SLC26A7: variants seen among roughly 807,000 people sequenced by gnomAD.
The protein encoded by SLC26A7 is anion exchange transporter.
SLC26A7 carries 59 observed loss-of-function variants against 82.5 expected under a neutral mutation model. The ratio of observed to expected loss-of-function variants is 0.72; its 90% CI spans 0.58 to 0.89. The LOEUF (loss-of-function observed/expected upper bound fraction) is 0.89. Among genes scored for constraint, SLC26A7 ranks in the 40% least tolerant of loss-of-function variants. The pLI, the probability that SLC26A7 is intolerant of heterozygous loss-of-function variation, is 0.00. For synonymous variants in SLC26A7, 271 were observed against 274.3 expected, an observed-to-expected ratio of 0.99 and a Z score of 0.12; for missense variants, 820 against 793.0, an observed-to-expected ratio of 1.03 and a Z score of -0.41.
chr8:91,318,297 G>A lies in SLC26A7; in HGVS notation c.559G>A (p.Ala187Thr). ...PVISAMTTGAATHVVTSQVKY... is the reference protein window; with the variant it reads ...PVISAMTTGATTHVVTSQVKY... ...GATCAGCGCAATGACAACTGGGGCT[G>A]CCACCCATGTGGTGACTTCACAAGT... The change falls in exon 5 of 19, where the codon GCC becomes ACC. Residue 187 changes from alanine to threonine, a missense_variant. Transcript: ENST00000276609. 6.2e-7 allele frequency: 1 copy of A among 1,612,056 alleles called. No individual in the cohort carries two copies. Among genetic ancestry groups the A allele is most frequent in the Non-Finnish European group, 8.5e-7 (1 of 1,178,974 alleles).
In SLC26A7 at chr8:91,268,258, G is replaced by T. The variant is rs369227820; in HGVS notation, c.193+18414G>T. 7.9e-5 allele frequency among the ~76,000 whole-genome samples: 12 copies of T among 151,808 alleles called. No individual in the cohort carries two copies. In the East Asian group the frequency reaches 2.3e-3, roughly 29 times the overall value. On this transcript the variant is annotated intron_variant, in intron 2 of 18. Transcript: ENST00000276609. ...TAAAGTCCCCTACTATTACTGTATT[G>T]CAACTGATCTCTCCCTTTAGATTTA...
chr8:91,220,223 A>G (rs965709987), intron 2 of SLC26A7, among the ~76,000 whole-genome samples: 4 of 152,196 alleles, frequency 2.6e-5, no homozygotes, highest in African/African-American at 9.7e-5. Context: ...AAACAAAAAT[A>G]AAAAACCAAG....
At chr8:91,324,357 G>T (rs1812878208) in intron 5 of SLC26A7, among the ~76,000 whole-genome samples, 1 of 152,198 alleles carries the variant, frequency 6.6e-6, no homozygotes, top group Non-Finnish European at 1.5e-5. Flanking sequence ...AGATCTGCTT[G>T]GAGGTAGGAT....
At chr8:91,337,250 A>G (rs917858689) in intron 6 of SLC26A7, among the ~76,000 whole-genome samples, 3 of 152,158 alleles carry the variant, frequency 2.0e-5, no homozygotes, top group African/African-American at 7.2e-5. Context: ...ATTATTGGCC[A>G]TTGATTATTA....
At chr8:91,368,627 G>A (rs1300301638) in intron 14 of SLC26A7, among the ~76,000 whole-genome samples, 2 of 151,892 alleles carry the variant, frequency 1.3e-5, no homozygotes, top group African/African-American at 4.8e-5. Flanking sequence ...GTTTCACCGT[G>A]TTAGCCAGGA....
Position 91,318,226 on chromosome 8 carries a change from T to C in SLC26A7, c.488T>C (p.Phe163Ser), listed in dbSNP as rs1812695256. 2 of 1,597,258 alleles carry C rather than the reference T, an allele frequency of 1.3e-6. No homozygotes were observed. The highest frequency in any genetic ancestry group is 2.7e-5 in the African/African-American group (2 of 74,224). ...CCCTTCTCCTCTTAGGTGGCCATGT[T>C]TGTGCTGCAACTGGGCAGTGCCACA... ...FLGGVIQVAM[F>S]VLQLGSATFV... Residue 163 changes from phenylalanine (F) to serine (S), a missense_variant, in exon 5 of 19, where the codon TTT becomes TCT. By Grantham distance (155) the Phe-to-Ser change is radical. Transcript: ENST00000276609.
In SLC26A7 at chr8:91,249,763, G is replaced by T. The variant is rs1247624094; in HGVS notation, c.112G>T (p.Ala38Ser). 1.9e-6 allele frequency: 3 copies of T among 1,612,198 alleles called. No homozygotes were observed. Among genetic ancestry groups the T allele is most frequent in the Non-Finnish European group, 2.5e-6 (3 of 1,179,078 alleles). The change falls in exon 2 of 19, where the codon GCA becomes TCA. Residue 38 changes from alanine to serine, a missense_variant. Transcript: ENST00000276609. Reference protein sequence around the residue: ...CRRRLPILDWAPHYNLKENLL... With the variant: ...CRRRLPILDWSPHYNLKENLL... Reference sequence around the variant, plus strand: ...AAGGCGACTGCCCATTTTGGATTGGGCACCACATTACAATCTGAAAGAAAA... The same window carrying T: ...AAGGCGACTGCCCATTTTGGATTGGTCACCACATTACAATCTGAAAGAAAA...
rs1808535246 is a variant in SLC26A7 at position 91,395,197 on chromosome 8, T to C, written c.*100T>C. On this transcript the variant is annotated 3_prime_UTR_variant, in exon 19 of 19. Coordinates refer to ENST00000276609, the MANE Select transcript of SLC26A7 (RefSeq NM_052832.4). ...TTTTTGGTTGTTTAGATCCTACAGA[T>C]GACCTCTGCTACAATAAGTACGATG... is the stretch of plus-strand genomic sequence containing the variant. The C allele has an allele frequency of 3.2e-6, 5 of 1,582,128 alleles. No homozygotes were observed. The South Asian group carries it at 5.8e-5, about 18-fold the overall frequency.
intron 5 of SLC26A7, among the ~76,000 whole-genome samples, chr8:91,324,050 C>T (rs545198928): frequency 6.6e-6 from 1 of 152,008 alleles, no homozygotes; most frequent in Non-Finnish European, 1.5e-5. Context: ...TGGTCTTGAA[C>T]TCCTGTCGTC....
chr8:91,247,151 TCAGTGATGTAATCAAAATGAGATTTTA>T, upstream of SLC26A7, among the ~76,000 whole-genome samples: 1 of 152,334 alleles, frequency 6.6e-6, no homozygotes, highest in Non-Finnish European at 1.5e-5. Context: ...TTCAAACATA[TCAGTGATGTAATCAAAATGAGATTTTA>T]CAAAAAATCT....
At chr8:91,220,536 GTTCCCC>G (rs1315490066) in intron 2 of SLC26A7, among the ~76,000 whole-genome samples, 1 of 151,846 alleles carries the variant, frequency 6.6e-6, no homozygotes, top group Non-Finnish European at 1.5e-5. Context: ...GGCATGTAAT[GTTCCCC>G]TTTCTGTGTC....
At chr8:91,380,460 T>C (rs984720288) in intron 15 of SLC26A7, among the ~76,000 whole-genome samples, 9 of 152,142 alleles carry the variant, frequency 5.9e-5, no homozygotes, top group East Asian at 1.9e-4. Context: ...AGAAAGCAAA[T>C]GATGTGGACA....
intron 2 of SLC26A7, among the ~76,000 whole-genome samples, chr8:91,276,699 G>T (rs927192695): frequency 1.3e-5 from 2 of 152,120 alleles, no homozygotes; most frequent in African/African-American, 2.4e-5. Context: ...TTCTACTTGG[G>T]TTAAAATTTG....
At chr8:91,282,911 GCT>G (rs1491312718) in intron 2 of SLC26A7, among the ~76,000 whole-genome samples, 1 of 152,074 alleles carries the variant, frequency 6.6e-6, no homozygotes, top group Non-Finnish European at 1.5e-5. Flanking sequence ...TACTCTTCAT[GCT>G]TTTTTGTTCA....
intron 2 of SLC26A7, among the ~76,000 whole-genome samples, chr8:91,276,808 A>G (rs1036503545): frequency 1.3e-5 from 2 of 152,308 alleles, no homozygotes; most frequent in African/African-American, 4.8e-5. Context: ...TTCCTTCCAT[A>G]TCACAGAAAC....
chr8:91,344,407 A>T (rs1586434291), intron 9 of SLC26A7, among the ~76,000 whole-genome samples: 1 of 152,166 alleles, frequency 6.6e-6, no homozygotes, highest in East Asian at 1.9e-4. Context: ...TTATTCAAAC[A>T]ATTTATGTTT....
At chr8:91,314,214 G>A (rs1812567149) in intron 4 of SLC26A7, among the ~76,000 whole-genome samples, 1 of 152,162 alleles carries the variant, frequency 6.6e-6, no homozygotes, top group Non-Finnish European at 1.5e-5. Flanking sequence ...AGATGATGTG[G>A]CTGTTTATTA....
In SLC26A7 at chr8:91,279,125, GTATATATATATATATATATATATA is replaced by G. The variant is rs55869816; in HGVS notation, c.194-9993_194-9970del. ...TATTTCATAGTATGTGTGTGTGTGT[GTATATATATATATATATATATATA>G]TATATATATATATATATGTATCACA... On this transcript the variant is annotated intron_variant, in intron 2 of 18. Transcript: ENST00000276609. 3.1e-3 allele frequency among the ~76,000 whole-genome samples: 349 copies of G among 111,296 alleles called. 5 individuals carry two copies. Among genetic ancestry groups the G allele is most frequent in the Non-Finnish European group, 3.9e-3 (228 of 57,842 alleles). The allele number at this position is 111,296 out of a possible 152,430, so 73.0% of individuals were successfully genotyped here.
At chr8:91,322,804 T>G (rs1812828573) in intron 5 of SLC26A7, among the ~76,000 whole-genome samples, 1 of 152,178 alleles carries the variant, frequency 6.6e-6, no homozygotes, top group Admixed American at 6.6e-5. Context: ...GCCATCCTTC[T>G]TGGAAGTTTT....
Sources: allele counts gnomAD v4.1 joint callset (sites outside exome capture counted in the v4.1 genomes callset), GRCh38; gene constraint gnomAD v4.1.1; transcripts MANE v1.5; gene names NCBI Gene and HGNC (gene_info 2026-07-23, HGNC 2026-07-21).